The following PDHX variants were observed in gnomAD, a reference collection of about 807,000 sequenced individuals.
PDHX encodes pyruvate dehydrogenase complex component X.
Under a neutral mutation model 55.3 loss-of-function variants are expected in PDHX, and 33 were observed. That is an observed-to-expected ratio of 0.60 (90% CI 0.45 to 0.80). The LOEUF is 0.80. PDHX is among the 30% of genes least tolerant of loss of function. PDHX has a pLI of 0.00. For synonymous variants in PDHX, 226 were observed against 219.4 expected, an observed-to-expected ratio of 1.03 and a Z score of -0.27; for missense variants, 622 against 619.9, an observed-to-expected ratio of 1.00 and a Z score of -0.04.
At chr11:34,977,618 T>A (rs930340573) in intron 7 of PDHX, among the ~76,000 whole-genome samples, 3 of 152,112 alleles carry the variant, frequency 2.0e-5, no homozygotes, top group African/African-American at 7.2e-5. Context: ...TCGAACACTT[T>A]CCCATATGTG....
chr11:34,970,007 CT>C, intron 6 of PDHX, 131 bp from the exon 7 acceptor site: 1 of 774,610 alleles, frequency 1.3e-6, no homozygotes, highest in Non-Finnish European at 2.2e-6. Flanking sequence ...TAGTGCTTTT[CT>C]TGTGTTAATC....
rs923996485 is a variant in PDHX at position 34,987,041 on chromosome 11, G to T, written c.1182+2313G>T. 7.2e-5 allele frequency among the ~76,000 whole-genome samples: 11 copies of T among 152,270 alleles called. No individual in the cohort carries two copies. The East Asian group carries it at 1.2e-3, about 16-fold the overall frequency. The stretch of plus-strand genomic sequence containing the variant: ...AGCAACTTTGATAAATTTGCCCAAG[G>T]CAATACAGCTAGAAAGCAGTGGCAA... On this transcript the variant is annotated intron_variant, in intron 9 of 10. Coordinates refer to ENST00000227868, the MANE Select transcript of PDHX (RefSeq NM_003477.3).
intron 6 of PDHX, among the ~76,000 whole-genome samples, chr11:34,967,413 ATATT>A (rs1264313102): frequency 1.4e-4 from 22 of 152,294 alleles, no homozygotes; most frequent in African/African-American, 5.1e-4. Context: ...AGTAACATAT[ATATT>A]CTCTACAATC....
At chr11:34,960,378 A>G (rs1453687398) in intron 4 of PDHX, 42 bp from the exon 5 acceptor site, 1 of 1,209,026 alleles carries the variant, frequency 8.3e-7, no homozygotes, top group African/African-American at 1.5e-5. Context: ...AATCAAATGT[A>G]AGTGTTAATT....
intron 3 of PDHX, among the ~76,000 whole-genome samples, chr11:34,949,651 G>A (rs184906752): frequency 6.6e-6 from 1 of 152,256 alleles, no homozygotes; most frequent in Admixed American, 6.5e-5. Context: ...TGTTTTAAAT[G>A]ATAAATTAAT....
intron 1 of PDHX, among the ~76,000 whole-genome samples, chr11:34,921,380 GTCAGT>G (rs2133937242): frequency 6.6e-6 from 1 of 152,216 alleles, no homozygotes; most frequent in South Asian, 2.1e-4. Flanking sequence ...ACGATGCGCT[GTCAGT>G]TTTGTTTAAG....
intron 1 of PDHX, among the ~76,000 whole-genome samples, chr11:34,927,582 T>A (rs1185803127): frequency 2.0e-5 from 3 of 152,106 alleles, no homozygotes; most frequent in African/African-American, 7.2e-5. Flanking sequence ...ATCTTACGAT[T>A]GTGTAATTAC....
intron 3 of PDHX, among the ~76,000 whole-genome samples, chr11:34,950,976 G>C (rs1590746389): frequency 6.9e-6 from 1 of 145,246 alleles, no homozygotes; most frequent in Non-Finnish European, 1.5e-5. Flanking sequence ...GGTTGAACTA[G>C]TTTACAGTCC....
chr11:34,916,262 T>C, upstream of PDHX: 1 of 1,612,622 alleles, frequency 6.2e-7, no homozygotes, highest in South Asian at 1.1e-5. Flanking sequence ...ACAGTCTCCC[T>C]CCCGAGCATC....
intron 2 of PDHX, among the ~76,000 whole-genome samples, chr11:34,933,525 G>T (rs1229805626): frequency 6.6e-6 from 1 of 152,182 alleles, no homozygotes; most frequent in Admixed American, 6.5e-5. Flanking sequence ...TAGTTTAAAG[G>T]AGAAACAGGT....
intron 9 of PDHX, among the ~76,000 whole-genome samples, chr11:34,987,549 T>C (rs1855673142): frequency 6.6e-6 from 1 of 152,030 alleles, no homozygotes; most frequent in Admixed American, 6.6e-5. Flanking sequence ...CCTGCAAAAT[T>C]AGTTTTTTGT....
intron 10 of PDHX, among the ~76,000 whole-genome samples, chr11:34,994,247 G>A (rs890300237): frequency 2.6e-5 from 4 of 152,198 alleles, no homozygotes; most frequent in Admixed American, 2.0e-4. Context: ...AACCTATACA[G>A]CATGTTACTC....
At position 34,920,723 on chromosome 11, in the gene PDHX, T is replaced by A. The variant is rs80138813; in HGVS notation, c.160+3908T>A. Among the ~76,000 whole-genome samples, 736 of 152,304 alleles carry A rather than the reference T, an allele frequency of 4.8e-3. 2 individuals are homozygous for A. The highest frequency in any genetic ancestry group is 0.017 in the African/African-American group (702 of 41,562). On this transcript the variant is annotated intron_variant, in intron 1 of 10. Coordinates refer to ENST00000227868, the MANE Select transcript of PDHX (RefSeq NM_003477.3). ...TAGCAAGGCTGAATGTCCCTTGGTA[T>A]TTGCATCACCTCTAGTTGTCATTTT...
rs148117169 is a variant in PDHX, at chr11:34,957,583, G to A, written c.542G>A (p.Arg181Gln). 173 of 1,608,782 alleles carry A rather than the reference G, an allele frequency of 1.1e-4. No homozygotes were observed. The highest frequency in any genetic ancestry group is 6.0e-4 in the South Asian group (55 of 90,934). The change falls in exon 4 of 11, where the codon CGG becomes CAG. Residue 181 changes from arginine (R) to glutamine (Q), a missense_variant and splice_region_variant. Arg to Gln is a conservative substitution (Grantham distance 43). Transcript: ENST00000227868. Reference protein sequence around the residue: ...VKKEHIPGTLRFRLSPAARNI... With the variant: ...VKKEHIPGTLQFRLSPAARNI... ...AAGGAACACATACCCGGGACACTACGGTGAGTATATATTTATTCAAAGGAT... is the reference window on the plus strand; with the variant it reads ...AAGGAACACATACCCGGGACACTACAGTGAGTATATATTTATTCAAAGGAT...
intron 6 of PDHX, among the ~76,000 whole-genome samples, chr11:34,968,646 C>T (rs1354064083): frequency 1.3e-5 from 2 of 152,150 alleles, no homozygotes; most frequent in Non-Finnish European, 2.9e-5. Flanking sequence ...TTAAAAATTA[C>T]AAATCCAAAT....
At chr11:34,923,383 G>A (rs1853943673) in intron 1 of PDHX, among the ~76,000 whole-genome samples, 1 of 152,040 alleles carries the variant, frequency 6.6e-6, no homozygotes, top group East Asian at 1.9e-4. Context: ...TTTTTGGAGG[G>A]GAACAAATCT....
At chr11:34,931,536 G>GTTTTTTTTT (rs368865759) in intron 2 of PDHX, 52 bp downstream of exon 2, 5 of 877,656 alleles carry the variant, frequency 5.7e-6, no homozygotes, top group Non-Finnish European at 5.2e-6. Flanking sequence ...TGGTTATTTT[G>GTTTTTTTTT]TTTTGTTTTT....
intron 10 of PDHX, 136 bp downstream of exon 10, chr11:34,992,515 ATCTG>A: frequency 1.7e-6 from 1 of 596,840 alleles, no homozygotes; most frequent in Non-Finnish European, 3.0e-6. Flanking sequence ...ACAATAGAAT[ATCTG>A]AAAAAATTCT....
intron 5 of PDHX, among the ~76,000 whole-genome samples, chr11:34,962,248 A>AG (rs1356352989): frequency 6.6e-6 from 1 of 152,246 alleles, no homozygotes; most frequent in Non-Finnish European, 1.5e-5. Flanking sequence ...CTCCTAAAGT[A>AG]ATCCATGTAA....
Sources: allele counts gnomAD v4.1 joint callset (sites outside exome capture counted in the v4.1 genomes callset), GRCh38; gene constraint gnomAD v4.1.1; transcripts MANE v1.5; gene names NCBI Gene and HGNC (gene_info 2026-07-23, HGNC 2026-07-21).